The following MGRN1 variants were observed in gnomAD, a reference collection of about 807,000 sequenced individuals.
MGRN1 encodes the protein E3 ubiquitin-protein ligase MGRN1.
A neutral mutation model predicts 69.2 loss-of-function variants in MGRN1; 29 were observed. The ratio of observed to expected loss-of-function variants is 0.42; its 90% CI spans 0.31 to 0.57. The LOEUF is 0.57. MGRN1 is among the 20% of genes least tolerant of loss of function. The pLI is 0.15. For missense variants in MGRN1, 998 were observed against 796.2 expected (o/e 1.25, Z -3.05); for synonymous variants, 470 against 344.2 (o/e 1.37, Z -4.04).
At chr16:4,636,425 G>A (rs746681910) in intron 1 of MGRN1, among the ~76,000 whole-genome samples, 11 of 152,140 alleles carry the variant, frequency 7.2e-5, no homozygotes, top group East Asian at 3.9e-4. Flanking sequence ...ACCTTCCAGC[G>A]TCCCAGTGCT....
intron 5 of MGRN1, among the ~76,000 whole-genome samples, chr16:4,660,685 G>A (rs887091419): frequency 1.3e-5 from 2 of 152,238 alleles, no homozygotes; most frequent in African/African-American, 4.8e-5. Context: ...GCCGGTGCGC[G>A]AACTCCCCAT....
chr16:4,647,984 C>G (rs2078309580), intron 1 of MGRN1, among the ~76,000 whole-genome samples: 1 of 152,070 alleles, frequency 6.6e-6, no homozygotes, highest in South Asian at 2.1e-4. Flanking sequence ...CCAACTGTAA[C>G]TGGGGCCGTG....
chr16:4,677,124 C>G (rs2079069900), intron 10 of MGRN1: 1 of 203,092 alleles, frequency 4.9e-6, no homozygotes, highest in Non-Finnish European at 9.8e-6. Context: ...CCTCTGGAGC[C>G]CCGCCTTGGG....
chr16:4,674,197 T>G (rs910868539), intron 10 of MGRN1, among the ~76,000 whole-genome samples: 1 of 152,208 alleles, frequency 6.6e-6, no homozygotes, highest in Admixed American at 6.5e-5. Context: ...TTGGCCAGGC[T>G]GGTCTTGAAC....
intron 1 of MGRN1, among the ~76,000 whole-genome samples, chr16:4,636,221 C>A (rs530779231): frequency 6.6e-6 from 1 of 151,972 alleles, no homozygotes; most frequent in East Asian, 1.9e-4. Context: ...CCCTATTGTC[C>A]CCTTCTGAAC....
intron 1 of MGRN1, among the ~76,000 whole-genome samples, chr16:4,641,086 G>C (rs2078146087): frequency 1.2e-4 from 19 of 152,222 alleles, no homozygotes; most frequent in Admixed American, 1.2e-3. Context: ...CCCACTCACA[G>C]TCTCCTTTTC....
intron 10 of MGRN1, among the ~76,000 whole-genome samples, chr16:4,675,849 C>G (rs983551424): frequency 2.0e-5 from 3 of 152,154 alleles, no homozygotes; most frequent in Non-Finnish European, 4.4e-5. Flanking sequence ...AGTGAAAAGC[C>G]GCTCGTAGGG....
At chr16:4,678,400 C>G (rs1422092512) in intron 11 of MGRN1, among the ~76,000 whole-genome samples, 1 of 151,948 alleles carries the variant, frequency 6.6e-6, no homozygotes, top group Non-Finnish European at 1.5e-5. Context: ...CAGGGAGAGG[C>G]AGAGACAAAT....
rs951409554 is a variant in MGRN1, at chr16:4,664,583, G to A, written c.562-126G>A. ...TCCGCCTTCCCTGCCATCTCGAGGC[G>A]TGTCCTCTGAGCTCTGCTGCTGCCT... is the stretch of plus-strand genomic sequence containing the variant. On this transcript the variant is annotated intron_variant, in intron 5 of 16. Transcript: ENST00000262370. 94 of 923,860 alleles carry A rather than the reference G, an allele frequency of 1.0e-4. 1 individual carries two copies. The highest frequency in any genetic ancestry group is 6.6e-4 in the Middle Eastern group (3 of 4,574). The allele number at this position is 923,860 out of a possible 1,614,324, so 57.2% of individuals were successfully genotyped here. A position where few individuals can be genotyped will look rare whatever the true frequency, so the allele number is the denominator to read the frequency against.
chr16:4,673,426 C>G lies in MGRN1; in HGVS notation c.796-72C>G, dbSNP rs559783748. 12 of 1,561,268 alleles carry G rather than the reference C, an allele frequency of 7.7e-6. No homozygotes were observed. The South Asian group carries it at 9.5e-5, about 12-fold the overall frequency. On this transcript the variant is annotated intron_variant, in intron 9 of 16. Transcript: ENST00000262370. The stretch of plus-strand genomic sequence containing the variant: ...GGTAGGGTGGAGTGGGGTGGGACAG[C>G]TGGGGACAGGAAGCAGGAGCCGTAC...
In MGRN1 at chr16:4,669,431, C is replaced by CAAAAAAAAAAAAAAA. The variant is rs58001283; in HGVS notation, c.726+1122_726+1136dup. 4.9e-4 allele frequency among the ~76,000 whole-genome samples: 46 copies of CAAAAAAAAAAAAAAA among 92,962 alleles called. 5 individuals carry two copies. Among genetic ancestry groups the CAAAAAAAAAAAAAAA allele is most frequent in the Middle Eastern group, 6.1e-3 (1 of 164 alleles). 61.0% of individuals were successfully genotyped at this position (92,962 alleles called of 152,430 possible). ...CCTGGGTGACAGAGGAAGACTGTGT[C>CAAAAAAAAAAAAAAA]AAAAAAAAAAAAAAAAAGCTGTGCA... On this transcript the variant is annotated intron_variant, in intron 8 of 16. Transcript: ENST00000262370.
chr16:4,653,476 TTTTTGTTTTGTTTTTG>T (rs1458399355), intron 4 of MGRN1, among the ~76,000 whole-genome samples: 34 of 151,912 alleles, frequency 2.2e-4, no homozygotes, highest in Admixed American at 6.6e-5. Flanking sequence ...CAGTTCCAGG[TTTTTGTTTTGTTTTTG>T]TTTTGTTTTG....
At chr16:4,677,625 G>C in intron 11 of MGRN1, 53 bp downstream of exon 11, 2 of 1,549,554 alleles carry the variant, frequency 1.3e-6, no homozygotes, top group Non-Finnish European at 1.8e-6. Flanking sequence ...ATGAGTGCCT[G>C]GGCCAGGCGC....
At chr16:4,635,300 C>T (rs1229418882) in intron 1 of MGRN1, among the ~76,000 whole-genome samples, 1 of 151,960 alleles carries the variant, frequency 6.6e-6, no homozygotes, top group African/African-American at 2.4e-5. Context: ...ACCTGTAATC[C>T]CAGCTGCTCA....
chr16:4,626,025 A>C (rs1897662404), intron 1 of MGRN1, among the ~76,000 whole-genome samples: 1 of 152,206 alleles, frequency 6.6e-6, no homozygotes, highest in African/African-American at 2.4e-5. Context: ...ACTGCTAGAC[A>C]TGCCAGGGCC....
chr16:4,688,737 C>A (rs777763276), intron 16 of MGRN1, 59 bp from the exon 17 acceptor site: 9 of 1,499,426 alleles, frequency 6.0e-6, no homozygotes, highest in Non-Finnish European at 8.1e-6. Context: ...TCGGTAGGAG[C>A]GGGTGGCGTG....
At chr16:4,680,409 C>T (rs773000037) in intron 12 of MGRN1, 24 of 341,518 alleles carry the variant, frequency 7.0e-5, no homozygotes, top group Non-Finnish European at 1.0e-4. Flanking sequence ...GCGGAACTAA[C>T]GTCGCTGCTG....
chr16:4,638,389 CGGGAGGCAGA>C (rs1027082079), intron 1 of MGRN1, among the ~76,000 whole-genome samples: 2 of 151,802 alleles, frequency 1.3e-5, no homozygotes, highest in African/African-American at 4.8e-5. Flanking sequence ...CACCTGAACC[CGGGAGGCAGA>C]GGTTGCAGTG....
chr16:4,680,000 A>G (rs370936660), intron 11 of MGRN1, 32 bp from the exon 12 acceptor site: 20 of 1,606,150 alleles, frequency 1.2e-5, no homozygotes, highest in Non-Finnish European at 1.7e-5. Context: ...TGGGGGTGGT[A>G]GTTGTAAAAC....
Sources: allele counts gnomAD v4.1 joint callset (sites outside exome capture counted in the v4.1 genomes callset), GRCh38; gene constraint gnomAD v4.1.1; transcripts MANE v1.5; gene names NCBI Gene and HGNC (gene_info 2026-07-23, HGNC 2026-07-21).